CFAP251: variants seen among roughly 807,000 people sequenced by gnomAD.
CFAP251 encodes cilia- and flagella-associated protein 251.
In CFAP251, 93 loss-of-function variants were observed where a neutral mutation model predicts 126.7. That is an observed-to-expected ratio of 0.73 (90% confidence interval 0.62 to 0.87). CFAP251 has a LOEUF of 0.87. Ranked by LOEUF, CFAP251 falls within the 40% of genes least tolerant of loss-of-function variation. The pLI is 0.00. For synonymous variants in CFAP251, 503 were observed against 506.9 expected, an observed-to-expected ratio of 0.99 and a Z score of 0.10; for missense variants, 1,287 against 1,389.2, an observed-to-expected ratio of 0.93 and a Z score of 1.17.
chr12:121,944,396 A>G (rs1439075913), intron 7 of CFAP251, among the ~76,000 whole-genome samples: 1 of 152,088 alleles, frequency 6.6e-6, no homozygotes, highest in Non-Finnish European at 1.5e-5. Flanking sequence ...GCTATTTAGG[A>G]TGGATTTTTC....
chr12:121,985,505 C>T (rs1316350553), intron 19 of CFAP251, among the ~76,000 whole-genome samples: 3 of 140,838 alleles, frequency 2.1e-5, no homozygotes, highest in Non-Finnish European at 3.0e-5. Flanking sequence ...CCATACTCTC[C>T]AGCCTGGGCG....
At chr12:121,932,575 A>T (rs1450556947) in intron 4 of CFAP251, 4 of 152,442 alleles carry the variant, frequency 2.6e-5, no homozygotes, top group African/African-American at 9.7e-5. Flanking sequence ...CTTTCCAAGC[A>T]TCCTATTCCT....
intron 1 of CFAP251, among the ~76,000 whole-genome samples, chr12:121,920,640 C>G (rs1001098824): frequency 6.6e-6 from 1 of 152,162 alleles, no homozygotes; most frequent in Non-Finnish European, 1.5e-5. Context: ...TCGTGATCCA[C>G]CCGCGTCAGC....
At chr12:121,992,159 G>C in intron 19 of CFAP251, 1 of 978,490 alleles carries the variant, frequency 1.0e-6, no homozygotes, top group Non-Finnish European at 1.2e-6. Context: ...TAGGACTCCT[G>C]CTTCTCTCAA....
chr12:121,976,166 G>A (rs892676140), intron 19 of CFAP251, among the ~76,000 whole-genome samples: 8 of 151,926 alleles, frequency 5.3e-5, no homozygotes, highest in Admixed American at 2.6e-4. Flanking sequence ...CCACCACCAC[G>A]CCCCGCTAAT....
intron 17 of CFAP251, chr12:121,968,837 AAAGTACTCGGC>A (rs1431233884): frequency 1.0e-6 from 1 of 965,368 alleles, no homozygotes; most frequent in Admixed American, 6.2e-5. Context: ...AGTACAGAGC[AAAGTACTCGGC>A]AAGTGAATGA....
intron 15 of CFAP251, among the ~76,000 whole-genome samples, chr12:121,966,321 C>T (rs1882134852): frequency 1.5e-5 from 2 of 133,362 alleles, no homozygotes; most frequent in Non-Finnish European, 3.2e-5. Flanking sequence ...AGTGCAGTAG[C>T]GTGATTTCAC....
intron 8 of CFAP251, chr12:121,950,408 A>G (rs1375653): frequency 0.62 from 94,443 of 152,054 alleles, 31,949 homozygotes; most frequent in Non-Finnish European, 0.77. Context: ...TGAATGTATG[A>G]AACACCGCTG....
chr12:121,968,210 C>T (rs1417356162), intron 17 of CFAP251, 41 bp downstream of exon 17: 4 of 1,554,578 alleles, frequency 2.6e-6, no homozygotes, highest in Non-Finnish European at 3.5e-6. Flanking sequence ...AGTGTAAACT[C>T]CTTTTCACTC....
At chr12:121,919,871 C>A (rs1171050489) in intron 1 of CFAP251, among the ~76,000 whole-genome samples, 1 of 152,146 alleles carries the variant, frequency 6.6e-6, no homozygotes, top group Non-Finnish European at 1.5e-5. Context: ...AAGATCTGGG[C>A]CACAAATACA....
chr12:121,927,637 C>A lies in CFAP251; in HGVS notation c.747+3647C>A, dbSNP rs146654751. Among the ~76,000 whole-genome samples, 107 of 152,224 alleles carry A rather than the reference C, an allele frequency of 7.0e-4. 1 individual carries two copies. Among genetic ancestry groups the A allele is most frequent in the Non-Finnish European group, 1.0e-3 (70 of 68,010 alleles). On this transcript the variant is annotated intron_variant, in intron 3 of 21. Coordinates refer to ENST00000288912, the MANE Select transcript of CFAP251 (RefSeq NM_144668.6). ...AATGTAACTGTTCCCCTTTCTGTGG[C>A]CATTTAGGTTGCTTCTAATTTCTTG...
rs1035964451 is a variant in CFAP251 at position 121,994,896 on chromosome 12, C to T, written c.3007-4820C>T. 4.1e-5 allele frequency among the ~76,000 whole-genome samples: 6 copies of T among 146,336 alleles called. No homozygotes were observed. In the Admixed American group the frequency reaches 4.1e-4, roughly 10 times the overall value. Reference sequence around the variant, plus strand: ...TGTTTATCTGCTGACCTTCCCTCCACTATTGTCCCATGACCCTGCCAAATC... The same window carrying T: ...TGTTTATCTGCTGACCTTCCCTCCATTATTGTCCCATGACCCTGCCAAATC... On this transcript the variant is annotated intron_variant, in intron 19 of 21. Transcript: ENST00000288912.
At chr12:121,931,976 C>A in intron 4 of CFAP251, 90 bp downstream of exon 4, 2 of 1,257,068 alleles carry the variant, frequency 1.6e-6, no homozygotes, top group Non-Finnish European at 2.1e-6. Flanking sequence ...TGACTTCATT[C>A]TATCACTGTC....
intron 17 of CFAP251, 132 bp downstream of exon 17, chr12:121,968,301 C>T (rs922372920): frequency 3.6e-6 from 3 of 836,342 alleles, no homozygotes; most frequent in Non-Finnish European, 5.3e-6. Flanking sequence ...TCAGGTTGCT[C>T]CCCGGTGGCA....
chr12:121,978,254 C>T (rs911891838), intron 19 of CFAP251, among the ~76,000 whole-genome samples: 7 of 150,428 alleles, frequency 4.7e-5, no homozygotes, highest in African/African-American at 1.5e-4. Flanking sequence ...ATAAGCCGAG[C>T]GTGGTGGCGG....
At chr12:121,930,689 C>T (rs1880647081) in intron 3 of CFAP251, among the ~76,000 whole-genome samples, 1 of 151,420 alleles carries the variant, frequency 6.6e-6, no homozygotes, top group Non-Finnish European at 1.5e-5. Flanking sequence ...ATCCTTTATC[C>T]TTCCAGTAGA....
chr12:121,983,147 G>C (rs1882664515), intron 19 of CFAP251, among the ~76,000 whole-genome samples: 1 of 152,130 alleles, frequency 6.6e-6, no homozygotes, highest in Admixed American at 6.6e-5. Flanking sequence ...AGGATCGAAG[G>C]ATCGCTTGCG....
rs199857843 is a variant in CFAP251 at position 121,961,978 on chromosome 12, A to G, written c.2308A>G (p.Ile770Val). 1.2e-6 allele frequency: 2 copies of G among 1,612,896 alleles called. No individual in the cohort carries two copies. Among genetic ancestry groups the G allele is most frequent in the Non-Finnish European group, 1.7e-6 (2 of 1,179,694 alleles). The change falls in exon 15 of 22, where the codon ATA (isoleucine) becomes GTA (valine). Residue 770 changes from isoleucine (I) to valine (V), a missense_variant and splice_region_variant. Transcript: ENST00000288912. ...TGTGTCCATCTGGGCTCCTCTGCAG[A>G]TAGAGTATGATCTTCTCAGGAGCTA... ...LLSLGTDRLLIEYDLLRSYKD... is the reference protein window; with the variant it reads ...LLSLGTDRLLVEYDLLRSYKD...
At chr12:121,976,165 C>T (rs1051694755) in intron 19 of CFAP251, among the ~76,000 whole-genome samples, 4 of 152,042 alleles carry the variant, frequency 2.6e-5, no homozygotes, top group Admixed American at 2.0e-4. Flanking sequence ...CCCACCACCA[C>T]GCCCCGCTAA....
Sources: allele counts gnomAD v4.1 joint callset (sites outside exome capture counted in the v4.1 genomes callset), GRCh38; gene constraint gnomAD v4.1.1; transcripts MANE v1.5; gene names NCBI Gene and HGNC (gene_info 2026-07-23, HGNC 2026-07-21).